The following DPP6 variants were observed in gnomAD, a reference collection of about 807,000 sequenced individuals.
The protein encoded by DPP6 is A-type potassium channel modulatory protein DPP6.
A neutral mutation model predicts 122.6 loss-of-function variants in DPP6; 69 were observed. The ratio of observed to expected loss-of-function variants is 0.56; its 90% CI spans 0.46 to 0.69. The LOEUF (loss-of-function observed/expected upper bound fraction) is 0.69, where lower values mean the gene tolerates loss of function less well. Among genes scored for constraint, DPP6 ranks in the 30% least tolerant of loss-of-function variants. The pLI is 0.00. For synonymous variants in DPP6, 418 were observed against 433.1 expected, an observed-to-expected ratio of 0.97 and a Z score of 0.43; for missense variants, 928 against 1,116.9, an observed-to-expected ratio of 0.83 and a Z score of 2.41.
chr7:154,446,234 T>C lies in DPP6; in HGVS notation c.264T>C (p.Pro88=). The part of the protein sequence containing the change: ...DEEDELVGSN[P]PQRNWKGIAI... ...TTTAGGAGCTGGTGGGGAGTAACCC[T>C]CCGCAGAGGAATTGGAAAGGAATAG... The change falls in exon 2 of 26, where the codon CCT becomes CCC. Residue 88 remains proline, a synonymous_variant. Transcript: ENST00000377770. 6.2e-7 allele frequency: 1 copy of C among 1,607,958 alleles called. No individual in the cohort carries two copies. The highest frequency in any genetic ancestry group is 1.7e-5 in the Admixed American group (1 of 59,178).
intron 1 of DPP6, chr7:154,305,443 A>T: frequency 6.6e-7 from 1 of 1,510,730 alleles, no homozygotes. Context: ...GTGGCTCCCA[A>T]CTCGCCGTCA....
At chr7:154,227,287 A>G (rs1047720996) in intron 1 of DPP6, among the ~76,000 whole-genome samples, 4 of 151,884 alleles carry the variant, frequency 2.6e-5, no homozygotes, top group Non-Finnish European at 5.9e-5. Flanking sequence ...ATATGCTACA[A>G]CAAGGATGAA....
chr7:154,343,010 T>A (rs991261758), intron 1 of DPP6, among the ~76,000 whole-genome samples: 8 of 152,226 alleles, frequency 5.3e-5, no homozygotes, highest in African/African-American at 1.7e-4. Context: ...TTTCAAACCA[T>A]CTCGCCGCTA....
chr7:154,529,545 G>C (rs1827675981), intron 3 of DPP6, among the ~76,000 whole-genome samples: 2 of 152,164 alleles, frequency 1.3e-5, no homozygotes, highest in South Asian at 4.1e-4. Context: ...TGGAACACAT[G>C]CTCAAAATAA....
intron 6 of DPP6, among the ~76,000 whole-genome samples, chr7:154,654,964 G>A (rs1050858604): frequency 1.3e-5 from 2 of 152,130 alleles, no homozygotes; most frequent in African/African-American, 4.8e-5. Flanking sequence ...CTGGAGATTA[G>A]ACTAGACCCA....
chr7:154,819,678 A>G (rs189712875), intron 16 of DPP6, among the ~76,000 whole-genome samples: 3 of 151,806 alleles, frequency 2.0e-5, no homozygotes, highest in Middle Eastern at 6.8e-3. Flanking sequence ...GTAAAATGAT[A>G]GAAGAAATAA....
chr7:154,550,321 T>C (rs925210386), intron 4 of DPP6, among the ~76,000 whole-genome samples: 4 of 152,246 alleles, frequency 2.6e-5, no homozygotes, highest in Middle Eastern at 3.4e-3. Context: ...CAGCTTTTTT[T>C]CATTTAACCA....
At chr7:153,995,712 C>T (rs568446990) in intron 1 of DPP6, among the ~76,000 whole-genome samples, 127 of 151,844 alleles carry the variant, frequency 8.4e-4, no homozygotes, top group Non-Finnish European at 2.9e-4. Flanking sequence ...AATGTGCTAT[C>T]GGCATATATT....
At chr7:154,143,527 C>A (rs1199984986) in intron 1 of DPP6, among the ~76,000 whole-genome samples, 1 of 151,816 alleles carries the variant, frequency 6.6e-6, no homozygotes, top group Non-Finnish European at 1.5e-5. Flanking sequence ...AAGGGAAATA[C>A]AAAAGTGACC....
At chr7:153,933,775 C>T (rs1801293796) in intron 1 of DPP6, among the ~76,000 whole-genome samples, 1 of 152,172 alleles carries the variant, frequency 6.6e-6, no homozygotes, top group Non-Finnish European at 1.5e-5. Flanking sequence ...TCCCCCCCAG[C>T]AGGCAGATTT....
At chr7:154,136,692 A>G (rs1031723792) in intron 1 of DPP6, among the ~76,000 whole-genome samples, 3 of 152,204 alleles carry the variant, frequency 2.0e-5, no homozygotes, top group Non-Finnish European at 4.4e-5. Flanking sequence ...TACCTCAAAG[A>G]CAGTTTTCTT....
chr7:154,046,810 T>G (rs1800037796), intron 1 of DPP6, among the ~76,000 whole-genome samples: 1 of 152,210 alleles, frequency 6.6e-6, no homozygotes, highest in African/African-American at 2.4e-5. Flanking sequence ...TAAGTTGTGC[T>G]CACACTCAAC....
chr7:154,480,209 A>G (rs1227695093), intron 3 of DPP6, among the ~76,000 whole-genome samples: 4 of 151,912 alleles, frequency 2.6e-5, no homozygotes, highest in Non-Finnish European at 5.9e-5. Flanking sequence ...CCTTAACACA[A>G]ACACCTCATC....
intron 1 of DPP6, among the ~76,000 whole-genome samples, chr7:153,910,060 T>G (rs1260938361): frequency 6.6e-6 from 1 of 152,130 alleles, no homozygotes; most frequent in African/African-American, 2.4e-5. Context: ...CGAGTATTCA[T>G]TTTTCTTTCA....
chr7:153,837,837 ATTTT>A, the DPP6 span, among the ~76,000 whole-genome samples: 6 of 80,640 alleles, frequency 7.4e-5, no homozygotes, highest in Admixed American at 1.5e-4. Flanking sequence ...TGCCTGGTTA[ATTTT>A]TTTTTTTTTT....
At chr7:154,711,091 G>A (rs62475785) in intron 7 of DPP6, among the ~76,000 whole-genome samples, 13,358 of 152,286 alleles carry the variant, frequency 0.088, 634 homozygotes, top group South Asian at 0.15. Context: ...TCACTACTAT[G>A]TGGATATGTC....
chr7:154,074,283 G>A (rs1168441825), intron 1 of DPP6, among the ~76,000 whole-genome samples: 1 of 152,016 alleles, frequency 6.6e-6, no homozygotes, highest in Non-Finnish European at 1.5e-5. Context: ...TGTACTGTGT[G>A]AGTTGTGAGT....
chr7:154,802,137 G>A (rs1253116527), intron 13 of DPP6, among the ~76,000 whole-genome samples: 1 of 152,158 alleles, frequency 6.6e-6, no homozygotes, highest in Non-Finnish European at 1.5e-5. Flanking sequence ...AAGAAGGGAA[G>A]CATGATCTTG....
intron 5 of DPP6, among the ~76,000 whole-genome samples, chr7:154,630,998 C>T (rs187427673): frequency 6.6e-6 from 1 of 152,134 alleles, no homozygotes; most frequent in African/African-American, 2.4e-5. Context: ...GAATGTATTT[C>T]ATTTTCAAAA....
Sources: gnomAD v4.1 joint callset for allele counts (sites outside exome capture counted in the v4.1 genomes callset) on GRCh38, gnomAD v4.1.1 for gene constraint, MANE v1.5 for transcripts, NCBI Gene and HGNC (gene_info 2026-07-23, HGNC 2026-07-21) for gene names.